PITPNM3: variants seen among roughly 807,000 people sequenced by gnomAD.
PITPNM3 encodes the protein membrane-associated phosphatidylinositol transfer protein 3.
In PITPNM3, 26 loss-of-function variants were observed where a neutral mutation model predicts 102.0. The ratio of observed to expected loss-of-function variants is 0.25; its 90% CI spans 0.19 to 0.35. The LOEUF (loss-of-function observed/expected upper bound fraction) is 0.35, where lower values mean the gene tolerates loss of function less well. PITPNM3 is among the 10% of genes least tolerant of loss of function. The pLI is 1.00. For synonymous variants in PITPNM3, 578 were observed against 558.6 expected (o/e 1.03, Z -0.49); for missense variants, 1,083 against 1,346.1 (o/e 0.80, Z 3.06).
At chr17:6,461,252 G>T in intron 18 of PITPNM3, 121 bp downstream of exon 18, 1 of 1,232,488 alleles carries the variant, frequency 8.1e-7, no homozygotes, top group Non-Finnish European at 1.2e-6. Context: ...CAGATCCACG[G>T]GAATGGGATT....
intron 6 of PITPNM3, 100 bp downstream of exon 6, chr17:6,483,417 A>G: frequency 8.6e-7 from 1 of 1,160,002 alleles, no homozygotes. Flanking sequence ...GAGTCCTTGC[A>G]GGTACCCACC....
chr17:6,487,757 C>A (rs148460381), intron 4 of PITPNM3, among the ~76,000 whole-genome samples: 2 of 152,174 alleles, frequency 1.3e-5, no homozygotes, highest in Admixed American at 6.5e-5. Flanking sequence ...AGCTCCCTCG[C>A]GACCCATGTG....
intron 3 of PITPNM3, chr17:6,521,161 C>G (rs1236371002): frequency 6.6e-6 from 1 of 152,502 alleles, no homozygotes; most frequent in Admixed American, 6.5e-5. Context: ...CCTGTAATCC[C>G]AGCACTTTGG....
rs373343537 is a variant in PITPNM3, at chr17:6,477,966, C to A, written c.900+9G>T. 1 of 1,612,008 alleles carries A rather than the reference C, an allele frequency of 6.2e-7. No individual in the cohort carries two copies. The highest frequency in any genetic ancestry group is 8.5e-7 in the Non-Finnish European group (1 of 1,179,990). ...ATACCCCTCCCGCGGTCCTGTCCCC[C>A]GGCTGTACCTGGGTGCTGCTGATGC... On this transcript the variant is annotated intron_variant, in intron 8 of 19. Coordinates refer to ENST00000262483, the MANE Select transcript of PITPNM3 (RefSeq NM_031220.4).
chr17:6,465,034 A>T (rs1904688461), intron 14 of PITPNM3, among the ~76,000 whole-genome samples: 1 of 151,774 alleles, frequency 6.6e-6, no homozygotes, highest in Non-Finnish European at 1.5e-5. Context: ...TGTTTGATTG[A>T]TTGTTTGTTT....
chr17:6,478,712 C>T lies in PITPNM3; in HGVS notation c.612G>A (p.Glu204=). 6.3e-7 allele frequency: 1 copy of T among 1,588,808 alleles called. No individual in the cohort carries two copies. Among genetic ancestry groups the T allele is most frequent in the Non-Finnish European group, 8.6e-7 (1 of 1,167,752 alleles). The change falls in exon 7 of 20, where the codon GAG becomes GAA. Residue 204 remains glutamate, a synonymous_variant. Coordinates refer to ENST00000262483, the MANE Select transcript of PITPNM3 (RefSeq NM_031220.4). This position sits in a 1 kb window ranked among gnomAD's most constrained non-coding sequence, Gnocchi z 4.4. The part of the protein sequence containing the change: ...VSHLNPYSHD[E]GCLSSSQDHV... ...GGTCCTGGCTGCTGCTGAGGCAGCC[C>T]TCATCGTGGCTGTAGGGGTTCAGGC...
intron 3 of PITPNM3, among the ~76,000 whole-genome samples, chr17:6,504,745 C>A (rs35900011): frequency 6.6e-6 from 1 of 152,090 alleles, no homozygotes; most frequent in African/African-American, 2.4e-5. Context: ...GATTCAAATG[C>A]CAGCTTCTTC....
Position 6,468,224 on chromosome 17 carries a change from C to T in PITPNM3, c.1890+1G>A. On this transcript the variant is annotated splice_donor_variant, in intron 14 of 19. Coordinates refer to ENST00000262483, the MANE Select transcript of PITPNM3 (RefSeq NM_031220.4). LOFTEE classifies it high-confidence loss of function. This position sits in a 1 kb window ranked among gnomAD's most constrained non-coding sequence, Gnocchi z 5.2. Reference sequence around the variant, plus strand: ...CACATGCGAACTGAGCATGCACGCACCCTCAGCTTGACCTGAGTCCGCTTA... The same window carrying T: ...CACATGCGAACTGAGCATGCACGCATCCTCAGCTTGACCTGAGTCCGCTTA... The T allele has an allele frequency of 6.2e-7, 1 of 1,611,906 alleles. No individual in the cohort carries two copies.
At chr17:6,471,559 C>T (rs1032452558) in intron 11 of PITPNM3, among the ~76,000 whole-genome samples, 4 of 152,182 alleles carry the variant, frequency 2.6e-5, no homozygotes, top group Non-Finnish European at 5.9e-5. Flanking sequence ...CCGCTGCCAC[C>T]GCATATTGCC....
intron 17 of PITPNM3, 130 bp downstream of exon 17, chr17:6,463,599 CAGG>C (rs1904605103): frequency 7.7e-7 from 1 of 1,306,604 alleles, no homozygotes; most frequent in Non-Finnish European, 1.0e-6. Flanking sequence ...GAGGTAAAGC[CAGG>C]GCTTCTCAGC....
intron 1 of PITPNM3, among the ~76,000 whole-genome samples, chr17:6,546,777 G>A (rs1841264411): frequency 6.6e-6 from 1 of 152,250 alleles, no homozygotes; most frequent in Admixed American, 6.5e-5. Flanking sequence ...GGCGGAGGCA[G>A]GTGGATCACC....
rs140453155 is a variant in PITPNM3 at position 6,463,959 on chromosome 17, G to A, written c.2157-78C>T. 4.2e-4 allele frequency: 664 copies of A among 1,584,940 alleles called. 3 individuals carry two copies. The East Asian group carries it at 0.014, about 35-fold the overall frequency. ...GGAATCCAGAGGTCAGCCTGTAGCTGCAGTCAGAGCTCAGTCTGGGTCAAG... is the reference window on the plus strand; with the variant it reads ...GGAATCCAGAGGTCAGCCTGTAGCTACAGTCAGAGCTCAGTCTGGGTCAAG... On this transcript the variant is annotated intron_variant, in intron 16 of 19. Transcript: ENST00000262483.
In PITPNM3 at chr17:6,459,133, G is replaced by A. The variant is rs924430098; in HGVS notation, c.2491-1411C>T. On this transcript the variant is annotated intron_variant, in intron 18 of 19. Coordinates refer to ENST00000262483, the MANE Select transcript of PITPNM3 (RefSeq NM_031220.4). The surrounding 1 kb of genome is among the most constrained non-coding windows in gnomAD (Gnocchi z 5.0). ...ATAACTTGGATCCTCCAGCTCTGGCGACCCTGCCTACCTGCCTCATGACCC... is the reference window on the plus strand; with the variant it reads ...ATAACTTGGATCCTCCAGCTCTGGCAACCCTGCCTACCTGCCTCATGACCC... Among the ~76,000 whole-genome samples, 3 of 152,004 alleles carry A rather than the reference G, an allele frequency of 2.0e-5. No homozygotes were observed. Among genetic ancestry groups the A allele is most frequent in the East Asian group, 1.9e-4 (1 of 5,186 alleles).
At chr17:6,525,219 G>A in intron 3 of PITPNM3, 137 bp downstream of exon 3, 1 of 798,216 alleles carries the variant, frequency 1.3e-6, no homozygotes, top group South Asian at 1.4e-5. Context: ...CAAAATTCAG[G>A]GATGCTATGA....
rs1026828317 is a variant in PITPNM3, at chr17:6,457,392, T to A, written c.2619+202A>T. Among the ~76,000 whole-genome samples, 10 of 152,376 alleles carry A rather than the reference T, an allele frequency of 6.6e-5. No homozygotes were observed. Among genetic ancestry groups the A allele is most frequent in the African/African-American group, 2.2e-4 (9 of 41,576 alleles). On this transcript the variant is annotated intron_variant, in intron 19 of 19. Coordinates refer to ENST00000262483, the MANE Select transcript of PITPNM3 (RefSeq NM_031220.4). The surrounding 1 kb of genome is among the most constrained non-coding windows in gnomAD (Gnocchi z 4.7). ...CGCCACTACACTGAAGTTCATTGCATCTGGCTCCACTTGGGATTCTCCCCC... is the reference window on the plus strand; with the variant it reads ...CGCCACTACACTGAAGTTCATTGCAACTGGCTCCACTTGGGATTCTCCCCC...
chr17:6,493,573 C>T (rs907637864), intron 4 of PITPNM3, among the ~76,000 whole-genome samples: 9 of 152,186 alleles, frequency 5.9e-5, no homozygotes, highest in Non-Finnish European at 1.3e-4. Flanking sequence ...ATATAAGTGA[C>T]CACGTAGCAG....
intron 3 of PITPNM3, among the ~76,000 whole-genome samples, chr17:6,505,132 C>A (rs535153317): frequency 6.6e-6 from 1 of 150,792 alleles, no homozygotes; most frequent in Non-Finnish European, 1.5e-5. Flanking sequence ...GCCGAGATCA[C>A]GCCACTGCAC....
chr17:6,544,654 T>TCTCTCTCTCTCTCTCACACACACA (rs376230474), intron 1 of PITPNM3, among the ~76,000 whole-genome samples: 2 of 130,206 alleles, frequency 1.5e-5, no homozygotes, highest in African/African-American at 6.2e-5. Context: ...TCTCTCTCTC[T>TCTCTCTCTCTCTCTCACACACACA]CACACACACA....
At chr17:6,455,997 G>A (rs1472928685) in intron 19 of PITPNM3, among the ~76,000 whole-genome samples, 4 of 151,704 alleles carry the variant, frequency 2.6e-5, no homozygotes. Flanking sequence ...AGAGTTCTCT[G>A]GATTTTCTTT....
Sources: gnomAD v4.1 joint callset for allele counts (sites outside exome capture counted in the v4.1 genomes callset) on GRCh38, gnomAD v4.1.1 for gene constraint, Gnocchi (gnomAD v3.1) non-coding constraint, MANE v1.5 for transcripts, NCBI Gene and HGNC (gene_info 2026-07-23, HGNC 2026-07-21) for gene names.